AGO1: variants seen among roughly 807,000 people sequenced by gnomAD.
AGO1 encodes protein argonaute-1.
AGO1 carries 11 observed loss-of-function variants against 109.2 expected under a neutral mutation model. The ratio of observed to expected loss-of-function variants is 0.10; its 90% CI spans 0.06 to 0.17. The LOEUF (loss-of-function observed/expected upper bound fraction) is 0.17, where lower values mean the gene tolerates loss of function less well. Ranked by LOEUF, AGO1 falls within the 10% of genes least tolerant of loss-of-function variation. The pLI is 1.00. For synonymous variants in AGO1, 422 were observed against 418.6 expected (o/e 1.01, Z -0.10); for missense variants, 574 against 1,140.3 (o/e 0.50, Z 7.15).
chr1:35,898,116 G>A (rs898267874), intron 8 of AGO1, among the ~76,000 whole-genome samples: 2 of 152,128 alleles, frequency 1.3e-5, no homozygotes, highest in Non-Finnish European at 2.9e-5. Context: ...ATCAGTTAAT[G>A]GACATTTGGA....
chr1:35,883,221 C>T lies in AGO1; in HGVS notation c.-201C>T, dbSNP rs1175381189. The T allele has an allele frequency of 3.3e-6, 4 of 1,218,288 alleles. No individual in the cohort carries two copies. The highest frequency in any genetic ancestry group is 3.7e-5 in the East Asian group (1 of 26,998). The allele number at this position is 1,218,288 out of a possible 1,614,324, so 75.5% of individuals were successfully genotyped here. On this transcript the variant is annotated 5_prime_UTR_variant, in exon 1 of 19. Transcript: ENST00000373204. This position sits in a 1 kb window ranked among gnomAD's most constrained non-coding sequence, Gnocchi z 5.4. ...GTCGCGCCTGCGCACTGGCAGCTGG[C>T]CGGGCGCTCGCAGTGGGAGCTGCTG...
rs1373713883 is a variant in AGO1, at chr1:35,926,838, G to GT, written c.*7237dup. On this transcript the variant is annotated 3_prime_UTR_variant, in exon 19 of 19. Coordinates refer to ENST00000373204, the MANE Select transcript of AGO1 (RefSeq NM_012199.5). ...GCCTTCTCCAGTATATCATACCAAG[G>GT]TTTTTTAGGCCTTTGTGGCTTACCC... The GT allele has an allele frequency of 6.6e-6, 1 of 151,826 alleles. No individual in the cohort carries two copies. 9.4% of individuals were successfully genotyped at this position (151,826 alleles called of 1,614,324 possible). A position where few individuals can be genotyped will look rare whatever the true frequency, so the allele number is the denominator to read the frequency against.
At chr1:35,898,917 CATTTT>C (rs1645367974) in intron 8 of AGO1, among the ~76,000 whole-genome samples, 1 of 152,044 alleles carries the variant, frequency 6.6e-6, no homozygotes, top group South Asian at 2.1e-4. Context: ...TAAAATTTAC[CATTTT>C]AACCATTTTT....
At chr1:35,887,512 C>A (rs1384741987) in intron 1 of AGO1, among the ~76,000 whole-genome samples, 2 of 152,172 alleles carry the variant, frequency 1.3e-5, no homozygotes, top group Non-Finnish European at 2.9e-5. Context: ...TGAAATTGAT[C>A]TCTTCTGCTG....
intron 2 of AGO1, among the ~76,000 whole-genome samples, chr1:35,892,296 C>G (rs990614975): frequency 6.6e-6 from 1 of 152,206 alleles, no homozygotes; most frequent in Non-Finnish European, 1.5e-5. Context: ...CCTTGGTGAT[C>G]TGAGGACCAG....
rs1645418722 is a variant in AGO1 at position 35,901,675 on chromosome 1, A to G, written c.1140+82A>G. 1 of 1,597,862 alleles carries G rather than the reference A, an allele frequency of 6.3e-7. No individual in the cohort carries two copies. Among genetic ancestry groups the G allele is most frequent in the South Asian group, 1.1e-5 (1 of 89,064 alleles). On this transcript the variant is annotated intron_variant, in intron 9 of 18. Coordinates refer to ENST00000373204, the MANE Select transcript of AGO1 (RefSeq NM_012199.5). This position sits in a 1 kb window ranked among gnomAD's most constrained non-coding sequence, Gnocchi z 4.8. ...TAATGCCCCAGCAGGACCTTCCTTC[A>G]GGAGAACCCAAGTCTAGATTTGTTG...
Position 35,888,771 on chromosome 1 carries a change from T to C in AGO1, c.209+161T>C, listed in dbSNP as rs533347539. On this transcript the variant is annotated intron_variant, in intron 2 of 18. Transcript: ENST00000373204. This position sits in a 1 kb window ranked among gnomAD's most constrained non-coding sequence, Gnocchi z 4.1. ...GGGTAAATGCTGAAAAATAGTCCAA[T>C]TGGACTTCGCTATTGGAAGATTATT... 4.6e-5 allele frequency among the ~76,000 whole-genome samples: 7 copies of C among 152,316 alleles called. No homozygotes were observed. The South Asian group carries it at 6.2e-4, about 14-fold the overall frequency.
At chr1:35,918,535 C>G in intron 17 of AGO1, 112 bp downstream of exon 17, 1 of 947,436 alleles carries the variant, frequency 1.1e-6, no homozygotes, top group Non-Finnish European at 1.7e-6. Context: ...GGATTGCTCT[C>G]TTTTCTGTTT....
In AGO1 at chr1:35,893,961, G is replaced by T; in HGVS notation, c.650-76G>T. 1.3e-6 allele frequency: 2 copies of T among 1,522,368 alleles called. No individual in the cohort carries two copies. 94.3% of individuals were successfully genotyped at this position (1,522,368 alleles called of 1,614,324 possible). A position where few individuals can be genotyped will look rare whatever the true frequency, so the allele number is the denominator to read the frequency against. ...CCATCCCAATGCCCTTTAAGGAAGA[G>T]GGTATAAATTGCTGTGCCTCCATGT... On this transcript the variant is annotated intron_variant, in intron 5 of 18. Coordinates refer to ENST00000373204, the MANE Select transcript of AGO1 (RefSeq NM_012199.5). This position sits in a 1 kb window ranked among gnomAD's most constrained non-coding sequence, Gnocchi z 5.6.
Position 35,893,452 on chromosome 1 carries a change from C to G in AGO1, c.512+174C>G. ...TATTTAGATGGTTTAAAGCCCTGGC[C>G]CTGAACTTCTTAGATATCTTTGGGC... is the stretch of plus-strand genomic sequence containing the variant. On this transcript the variant is annotated intron_variant, in intron 4 of 18. Coordinates refer to ENST00000373204, the MANE Select transcript of AGO1 (RefSeq NM_012199.5). The surrounding 1 kb of genome is among the most constrained non-coding windows in gnomAD (Gnocchi z 5.6). 2.4e-6 allele frequency: 2 copies of G among 831,912 alleles called. No homozygotes were observed. The highest frequency in any genetic ancestry group is 3.7e-5 in the South Asian group (2 of 53,462). The allele number at this position is 831,912 out of a possible 1,614,324, so 51.5% of individuals were successfully genotyped here.
At chr1:35,879,859 A>G (rs1355983735), upstream of AGO1, among the ~76,000 whole-genome samples, 1 of 149,836 alleles carries the variant, frequency 6.7e-6, no homozygotes, top group East Asian at 2.0e-4. Flanking sequence ...GGACTTTGAG[A>G]GGCTGGGGCC....
At position 35,912,154 on chromosome 1, in the gene AGO1, G is replaced by A. The variant is rs536323986; in HGVS notation, c.1583-1688G>A. Reference sequence around the variant, plus strand: ...AGGCGGATCATGAGGTCAGGAGATCGAGACCATCCTGGCTAACATGGTGAA... The same window carrying A: ...AGGCGGATCATGAGGTCAGGAGATCAAGACCATCCTGGCTAACATGGTGAA... On this transcript the variant is annotated intron_variant, in intron 12 of 18. Transcript: ENST00000373204. Among the ~76,000 whole-genome samples, 25 of 152,114 alleles carry A rather than the reference G, an allele frequency of 1.6e-4. No homozygotes were observed. The South Asian group carries it at 5.0e-3, about 30-fold the overall frequency.
intron 1 of AGO1, among the ~76,000 whole-genome samples, chr1:35,886,158 G>C (rs562148749): frequency 1.3e-5 from 2 of 152,148 alleles, no homozygotes; most frequent in South Asian, 4.1e-4. Context: ...GCTTTTGTCT[G>C]AAGAGAAGGG....
rs1255144209 is a variant in AGO1, at chr1:35,888,014, T to A, written c.26-413T>A. Reference sequence around the variant, plus strand: ...TTATGCCATTTTGTATTCAGCATGGTGGCGAATGGAGTGAGCATCTGGCTG... The same window carrying A: ...TTATGCCATTTTGTATTCAGCATGGAGGCGAATGGAGTGAGCATCTGGCTG... On this transcript the variant is annotated intron_variant, in intron 1 of 18. Coordinates refer to ENST00000373204, the MANE Select transcript of AGO1 (RefSeq NM_012199.5). This position sits in a 1 kb window ranked among gnomAD's most constrained non-coding sequence, Gnocchi z 4.1. Among the ~76,000 whole-genome samples, 3 of 152,180 alleles carry A rather than the reference T, an allele frequency of 2.0e-5. No individual in the cohort carries two copies. In the East Asian group the frequency reaches 5.8e-4, roughly 29 times the overall value.
At chr1:35,895,067 A>T in intron 7 of AGO1, 55 bp from the exon 8 acceptor site, 1 of 1,552,936 alleles carries the variant, frequency 6.4e-7, no homozygotes, top group Non-Finnish European at 8.7e-7. Flanking sequence ...GGGTCTAGAG[A>T]AGTGGGACTG....
At position 35,895,195 on chromosome 1, in the gene AGO1, C is replaced by A; in HGVS notation, c.946C>A (p.Leu316Ile). ...VAQYFKQKYNLQLKYPHLPCL... is the reference protein window; with the variant it reads ...VAQYFKQKYNIQLKYPHLPCL... ...ACAGTATTTCAAGCAGAAATATAACCTTCAGCTCAAGTATCCCCATCTGCC... is the reference window on the plus strand; with the variant it reads ...ACAGTATTTCAAGCAGAAATATAACATTCAGCTCAAGTATCCCCATCTGCC... The change falls in exon 8 of 19, where the codon CTT (leucine) becomes ATT (isoleucine). Residue 316 changes from leucine (L) to isoleucine (I), a missense_variant. By Grantham distance (5) the Leu-to-Ile change is conservative. Around this residue, in one of 8 missense-constraint regions of AGO1, gnomAD observed 42 missense variants for 142.4 expected, o/e 0.29. Transcript: ENST00000373204. 1.2e-6 allele frequency: 2 copies of A among 1,614,114 alleles called. No homozygotes were observed. Among genetic ancestry groups the A allele is most frequent in the Non-Finnish European group, 8.5e-7 (1 of 1,180,012 alleles).
chr1:35,919,028 G>T lies in AGO1; in HGVS notation c.2266-27G>T. On this transcript the variant is annotated intron_variant, in intron 17 of 18. Transcript: ENST00000373204. This position sits in a 1 kb window ranked among gnomAD's most constrained non-coding sequence, Gnocchi z 6.6. ...TCAGCCATCTTCTCTGCCCAGCCTGGGACCCCTCACCTTCCTATCTTCCCA... is the reference window on the plus strand; with the variant it reads ...TCAGCCATCTTCTCTGCCCAGCCTGTGACCCCTCACCTTCCTATCTTCCCA... The T allele has an allele frequency of 6.2e-7, 1 of 1,609,370 alleles. No individual in the cohort carries two copies. The highest frequency in any genetic ancestry group is 8.5e-7 in the Non-Finnish European group (1 of 1,175,948).
chr1:35,884,159 T>C (rs1645081432), intron 1 of AGO1, among the ~76,000 whole-genome samples: 1 of 151,686 alleles, frequency 6.6e-6, no homozygotes, highest in Non-Finnish European at 1.5e-5. Context: ...TCTTAGGTTA[T>C]GCTGGCAGTG....
chr1:35,914,377 A>G, intron 14 of AGO1, 103 bp downstream of exon 14: 2 of 884,092 alleles, frequency 2.3e-6, no homozygotes, highest in African/African-American at 1.7e-5. Flanking sequence ...TTGAGCCTTC[A>G]TAAGATGTCC....
Sources: allele counts gnomAD v4.1 joint callset (sites outside exome capture counted in the v4.1 genomes callset), GRCh38; gene constraint gnomAD v4.1.1; regional missense constraint gnomAD v4.1.1; non-coding constraint Gnocchi (gnomAD v3.1); transcripts MANE v1.5; gene names NCBI Gene and HGNC (gene_info 2026-07-23, HGNC 2026-07-21).